Variants in CDH12 observed in about 807,000 individuals in gnomAD.
CDH12 encodes the protein cadherin-12.
Under a neutral mutation model 74.1 loss-of-function variants are expected in CDH12, and 41 were observed. The observed-to-expected ratio is 0.55, with a 90% CI of 0.43 to 0.72. CDH12 has a LOEUF of 0.72. Among genes scored for constraint, CDH12 ranks in the 30% least tolerant of loss-of-function variants. The pLI is 0.00. For missense variants in CDH12, 945 were observed against 977.2 expected (o/e 0.97, Z 0.44); for synonymous variants, 399 against 355.0 (o/e 1.12, Z -1.39).
chr5:22,323,509 T>C (rs1168655083), intron 3 of CDH12, among the ~76,000 whole-genome samples: 1 of 152,168 alleles, frequency 6.6e-6, no homozygotes, highest in Admixed American at 6.5e-5. Context: ...GAATTTCTAA[T>C]AGAAGATTAT....
At chr5:22,061,625 G>C (rs1741192854) in intron 5 of CDH12, among the ~76,000 whole-genome samples, 1 of 151,932 alleles carries the variant, frequency 6.6e-6, no homozygotes, top group South Asian at 2.1e-4. Flanking sequence ...CTTATCACCT[G>C]GTATAATATA....
At chr5:22,131,746 G>C (rs1200640823) in intron 4 of CDH12, among the ~76,000 whole-genome samples, 1 of 152,118 alleles carries the variant, frequency 6.6e-6, no homozygotes, top group African/African-American at 2.4e-5. Flanking sequence ...CCAGACCTAA[G>C]GAAGGATACA....
intron 3 of CDH12, among the ~76,000 whole-genome samples, chr5:22,365,056 C>T (rs115041557): frequency 0.012 from 1,796 of 152,294 alleles, 29 homozygotes; most frequent in African/African-American, 0.041. Context: ...ACTCTAAGCT[C>T]ACTCGACTGC....
chr5:22,462,625 T>C (rs1187640807), intron 2 of CDH12, among the ~76,000 whole-genome samples: 2 of 151,676 alleles, frequency 1.3e-5, no homozygotes, highest in African/African-American at 4.8e-5. Context: ...CTGGAGACAG[T>C]AACATGAAAA....
At position 21,906,086 on chromosome 5, in the gene CDH12, A is replaced by G. The variant is rs1753628793; in HGVS notation, c.527-51296T>C. Among the ~76,000 whole-genome samples, 3 of 152,160 alleles carry G rather than the reference A, an allele frequency of 2.0e-5. No homozygotes were observed. The South Asian group carries it at 6.2e-4, about 31-fold the overall frequency. On this transcript the variant is annotated intron_variant, in intron 6 of 14. Coordinates refer to ENST00000382254, the MANE Select transcript of CDH12 (RefSeq NM_004061.5). ...AGTACATATTTATATTTATAAAGTT[A>G]TTTTACTTCCTAACCATTAATTAAT...
At chr5:22,637,809 C>T (rs1242222497) in intron 1 of CDH12, among the ~76,000 whole-genome samples, 1 of 152,134 alleles carries the variant, frequency 6.6e-6, no homozygotes, top group Non-Finnish European at 1.5e-5. Flanking sequence ...CTATGAAATT[C>T]AGTGAGAAAA....
At chr5:22,172,665 C>T (rs1196690346) in intron 4 of CDH12, among the ~76,000 whole-genome samples, 1 of 151,780 alleles carries the variant, frequency 6.6e-6, no homozygotes, top group Non-Finnish European at 1.5e-5. Flanking sequence ...AGTCTCTAAA[C>T]AGGGAAGAGG....
intron 6 of CDH12, among the ~76,000 whole-genome samples, chr5:21,943,097 C>T (rs1755412371): frequency 6.6e-6 from 1 of 152,094 alleles, no homozygotes; most frequent in Non-Finnish European, 1.5e-5. Flanking sequence ...TCCCCTGCTG[C>T]CATGTAAGAC....
At chr5:22,584,923 CATA>C (rs1286891154) in intron 1 of CDH12, among the ~76,000 whole-genome samples, 1 of 152,034 alleles carries the variant, frequency 6.6e-6, no homozygotes, top group Non-Finnish European at 1.5e-5. Context: ...AAGATACTGC[CATA>C]ATATTTATCT....
chr5:21,843,130 A>G (rs886479007), intron 7 of CDH12, among the ~76,000 whole-genome samples: 2 of 152,194 alleles, frequency 1.3e-5, no homozygotes, highest in African/African-American at 4.8e-5. Context: ...ATTATTCTCA[A>G]ATGAAATCAT....
intron 6 of CDH12, among the ~76,000 whole-genome samples, chr5:21,930,799 G>A (rs1369408891): frequency 6.6e-6 from 1 of 152,072 alleles, no homozygotes; most frequent in East Asian, 1.9e-4. Context: ...CAACAACTTC[G>A]TATAATAAGA....
At chr5:22,118,100 G>A (rs979726431) in intron 4 of CDH12, among the ~76,000 whole-genome samples, 1 of 152,056 alleles carries the variant, frequency 6.6e-6, no homozygotes, top group Non-Finnish European at 1.5e-5. Context: ...AGAAATATAA[G>A]TCAAGTATAT....
intron 1 of CDH12, among the ~76,000 whole-genome samples, chr5:22,767,467 C>T (rs1361097782): frequency 1.3e-5 from 2 of 151,866 alleles, no homozygotes; most frequent in African/African-American, 4.8e-5. Flanking sequence ...CATGATGCAA[C>T]TATTGAGTCC....
intron 1 of CDH12, among the ~76,000 whole-genome samples, chr5:22,736,303 A>G (rs994272098): frequency 2.0e-5 from 3 of 151,832 alleles, no homozygotes; most frequent in African/African-American, 4.8e-5. Context: ...TAATTTGTGT[A>G]TATAGATGAA....
chr5:22,630,606 T>C (rs1430049948), intron 1 of CDH12, among the ~76,000 whole-genome samples: 3 of 152,262 alleles, frequency 2.0e-5, no homozygotes, highest in South Asian at 2.1e-4. Flanking sequence ...AGATTGAAAC[T>C]GGACCACTTT....
At chr5:21,775,200 G>A (rs979936944) in intron 11 of CDH12, among the ~76,000 whole-genome samples, 3 of 152,140 alleles carry the variant, frequency 2.0e-5, no homozygotes, top group African/African-American at 7.2e-5. Flanking sequence ...CCAAATTAAG[G>A]AGAATATTTC....
intron 1 of CDH12, among the ~76,000 whole-genome samples, chr5:22,845,595 G>T (rs1737265258): frequency 6.6e-6 from 1 of 152,070 alleles, no homozygotes; most frequent in Non-Finnish European, 1.5e-5. Flanking sequence ...AAATGAAGTT[G>T]GATAAGGGTA....
intron 6 of CDH12, among the ~76,000 whole-genome samples, chr5:21,945,227 CCAT>C (rs1755516691): frequency 6.6e-6 from 1 of 151,598 alleles, no homozygotes; most frequent in African/African-American, 2.4e-5. Flanking sequence ...GAGTTCAAGA[CCAT>C]CCTGTCCAAC....
chr5:22,344,100 T>C (rs749632131), intron 3 of CDH12, among the ~76,000 whole-genome samples: 6 of 152,218 alleles, frequency 3.9e-5, no homozygotes, highest in Admixed American at 6.5e-5. Flanking sequence ...AGTTCTAATA[T>C]GTTATGATGG....
Sources: allele counts gnomAD v4.1 joint callset (sites outside exome capture counted in the v4.1 genomes callset), GRCh38; gene constraint gnomAD v4.1.1; transcripts MANE v1.5; gene names NCBI Gene and HGNC (gene_info 2026-07-23, HGNC 2026-07-21).